Variants in EYS observed in about 807,000 individuals in gnomAD.
EYS encodes protein eyes shut homolog.
EYS carries 250 observed loss-of-function variants against 282.1 expected under a neutral mutation model. The observed-to-expected ratio is 0.89, with a 90% CI of 0.80 to 0.98. The LOEUF (loss-of-function observed/expected upper bound fraction) is 0.98, where lower values mean the gene tolerates loss of function less well. EYS is among the 50% of genes least tolerant of loss of function. The pLI, the probability that EYS is intolerant of heterozygous loss-of-function variation, is 0.00. For missense variants in EYS, 4,016 were observed against 3,709.0 expected, an observed-to-expected ratio of 1.08 and a Z score of -2.15; for synonymous variants, 1,355 against 1,282.9, an observed-to-expected ratio of 1.06 and a Z score of -1.20.
intron 10 of EYS, among the ~76,000 whole-genome samples, chr6:65,335,645 A>G (rs973669254): frequency 6.6e-6 from 1 of 151,646 alleles, no homozygotes; most frequent in African/African-American, 2.4e-5. Flanking sequence ...TGTTACATAC[A>G]TGTTTACTCA....
chr6:64,862,375 T>A (rs1766276447), intron 19 of EYS, among the ~76,000 whole-genome samples: 1 of 152,190 alleles, frequency 6.6e-6, no homozygotes, highest in Non-Finnish European at 1.5e-5. Context: ...CAGCTATTCA[T>A]TTTGTTGTTG....
intron 22 of EYS, among the ~76,000 whole-genome samples, chr6:64,764,813 AC>A (rs1267146225): frequency 6.6e-6 from 1 of 152,124 alleles, no homozygotes; most frequent in Admixed American, 6.5e-5. Context: ...ATCTTGGCTC[AC>A]TGCAACCTCG....
rs1395273256 is a variant in EYS, at chr6:65,535,895, T to C, written c.-332-39902A>G. ...AGCCCAGGGCATAGTTAAGTTGACA[T>C]GTAAAATCAACCATCACAGTAATAT... On this transcript the variant is annotated intron_variant, in intron 2 of 42. Transcript: ENST00000503581. Among the ~76,000 whole-genome samples, 3 of 152,074 alleles carry C rather than the reference T, an allele frequency of 2.0e-5. No homozygotes were observed. The East Asian group carries it at 5.8e-4, about 29-fold the overall frequency.
At chr6:64,028,646 G>A (rs1221742202) in intron 33 of EYS, among the ~76,000 whole-genome samples, 1 of 152,120 alleles carries the variant, frequency 6.6e-6, no homozygotes, top group Non-Finnish European at 1.5e-5. Flanking sequence ...CCCAACTTAC[G>A]TGGATGGTCT....
At chr6:63,989,651 T>C (rs1275409309) in intron 34 of EYS, among the ~76,000 whole-genome samples, 1 of 151,592 alleles carries the variant, frequency 6.6e-6, no homozygotes, top group Non-Finnish European at 1.5e-5. Context: ...TATACACTTT[T>C]TTTTACAAAT....
At chr6:65,502,085 G>T (rs372632824) in intron 2 of EYS, among the ~76,000 whole-genome samples, 13 of 151,594 alleles carry the variant, frequency 8.6e-5, no homozygotes, top group South Asian at 6.2e-4. Context: ...ATGAAAAAAG[G>T]TTCTCTGTTT....
At chr6:64,861,170 C>T (rs1766224526) in intron 19 of EYS, among the ~76,000 whole-genome samples, 1 of 152,204 alleles carries the variant, frequency 6.6e-6, no homozygotes, top group South Asian at 2.1e-4. Flanking sequence ...TTCTGGCAGG[C>T]CAGTGCGGAA....
At chr6:64,198,447 G>A (rs937610510) in intron 31 of EYS, among the ~76,000 whole-genome samples, 2 of 152,102 alleles carry the variant, frequency 1.3e-5, no homozygotes, top group Admixed American at 6.5e-5. Flanking sequence ...ACATTAATTC[G>A]GTATTTGTCC....
intron 26 of EYS, among the ~76,000 whole-genome samples, chr6:64,549,218 G>A (rs554857458): frequency 2.0e-5 from 3 of 152,114 alleles, no homozygotes; most frequent in Non-Finnish European, 4.4e-5. Context: ...CACTCAGTAC[G>A]TAAAACCTGA....
intron 24 of EYS, among the ~76,000 whole-genome samples, chr6:64,595,129 T>C (rs1462189569): frequency 6.6e-6 from 1 of 152,216 alleles, no homozygotes; most frequent in Non-Finnish European, 1.5e-5. Flanking sequence ...CATGCAAGGA[T>C]GTTTCAACAT....
chr6:65,508,053 T>A (rs1274707028), intron 2 of EYS, among the ~76,000 whole-genome samples: 26 of 152,164 alleles, frequency 1.7e-4, no homozygotes. Flanking sequence ...TGAACAGGCC[T>A]CTAATGTGGA....
chr6:64,313,740 G>T (rs1430235215), intron 29 of EYS, among the ~76,000 whole-genome samples: 3 of 152,136 alleles, frequency 2.0e-5, no homozygotes, highest in Non-Finnish European at 4.4e-5. Flanking sequence ...AGAATTTTCA[G>T]TCGAGAATTT....
intron 30 of EYS, among the ~76,000 whole-genome samples, chr6:64,253,955 G>T (rs1767308768): frequency 6.6e-6 from 1 of 151,988 alleles, no homozygotes; most frequent in Non-Finnish European, 1.5e-5. Flanking sequence ...CTTCTTATTT[G>T]TCCTCTGTAT....
At chr6:65,625,862 T>C (rs1394868204) in intron 2 of EYS, among the ~76,000 whole-genome samples, 1 of 152,240 alleles carries the variant, frequency 6.6e-6, no homozygotes, top group African/African-American at 2.4e-5. Flanking sequence ...ATGTAACAAT[T>C]GTCTATCTAA....
chr6:64,453,334 G>A (rs993037108), intron 26 of EYS, among the ~76,000 whole-genome samples: 10 of 152,086 alleles, frequency 6.6e-5, no homozygotes, highest in East Asian at 5.8e-4. Flanking sequence ...TTAGAATGGC[G>A]ATCATTAAAA....
At chr6:65,070,352 T>C (rs997902368) in intron 12 of EYS, among the ~76,000 whole-genome samples, 8 of 151,870 alleles carry the variant, frequency 5.3e-5, no homozygotes, top group African/African-American at 1.7e-4. Context: ...TTTTACAAGG[T>C]TCTGGAGAGT....
At chr6:64,406,153 C>T (rs890992949) in intron 28 of EYS, among the ~76,000 whole-genome samples, 6 of 151,988 alleles carry the variant, frequency 3.9e-5, no homozygotes, top group African/African-American at 1.4e-4. Flanking sequence ...TCAGAAATAC[C>T]ACCACACATC....
chr6:63,901,551 A>C lies in EYS; in HGVS notation c.7056-37193T>G, dbSNP rs145217707. On this transcript the variant is annotated intron_variant, in intron 35 of 42. Coordinates refer to ENST00000503581, the MANE Select transcript of EYS (RefSeq NM_001142800.2). ...TGAACCCCAGTTAGAATAAACACAA[A>C]ATTATCTACAACTAGACATACAATA... is the stretch of plus-strand genomic sequence containing the variant. Among the ~76,000 whole-genome samples the C allele has an allele frequency of 3.2e-3, 483 of 152,340 alleles. 1 individual carries two copies. The highest frequency in any genetic ancestry group is 0.01 in the African/African-American group (432 of 41,568).
intron 9 of EYS, among the ~76,000 whole-genome samples, chr6:65,349,833 T>C (rs1770533297): frequency 6.6e-6 from 1 of 151,544 alleles, no homozygotes; most frequent in East Asian, 1.9e-4. Context: ...AATATATCTT[T>C]AGAATTTTCT....
Sources: allele counts gnomAD v4.1 joint callset (sites outside exome capture counted in the v4.1 genomes callset), GRCh38; gene constraint gnomAD v4.1.1; transcripts MANE v1.5; gene names NCBI Gene and HGNC (gene_info 2026-07-23, HGNC 2026-07-21).